Variants in RAPH1 observed in about 807,000 individuals in gnomAD.
RAPH1 encodes the protein Ras association (RalGDS/AF-6) and pleckstrin homology domains 1.
In RAPH1, 18 loss-of-function variants were observed where a neutral mutation model predicts 88.1. That is an observed-to-expected ratio of 0.20 (90% CI 0.14 to 0.30). RAPH1 has a LOEUF of 0.30. RAPH1 is among the 10% of genes least tolerant of loss of function. RAPH1 has a pLI of 1.00. For missense variants in RAPH1, 1,448 were observed against 1,543.2 expected, an observed-to-expected ratio of 0.94 and a Z score of 1.03; for synonymous variants, 587 against 559.0, an observed-to-expected ratio of 1.05 and a Z score of -0.71.
chr2:203,453,450 C>T (rs2153638429), intron 10 of RAPH1, among the ~76,000 whole-genome samples: 1 of 142,930 alleles, frequency 7.0e-6, no homozygotes, highest in East Asian at 2.1e-4. Context: ...GGAGACTGAG[C>T]TGGGAATATC....
chr2:203,527,153 T>C (rs1581415295), intron 1 of RAPH1, among the ~76,000 whole-genome samples: 1 of 152,344 alleles, frequency 6.6e-6, no homozygotes, highest in East Asian at 1.9e-4. Flanking sequence ...CCAGGATGTA[T>C]GAGTGATGAT....
At chr2:203,447,258 A>G (rs1247157164) in intron 12 of RAPH1, 1 of 150,592 alleles carries the variant, frequency 6.6e-6, no homozygotes, top group Admixed American at 6.6e-5. Context: ...AAAATTTAAT[A>G]AAACGAAAAA....
intron 1 of RAPH1, among the ~76,000 whole-genome samples, chr2:203,504,197 C>T (rs1688870002): frequency 6.6e-6 from 1 of 152,244 alleles, no homozygotes; most frequent in African/African-American, 2.4e-5. Context: ...CCCAACCCCA[C>T]ATTTCCCTTC....
At chr2:203,444,664 G>T in intron 13 of RAPH1, 1 of 444,002 alleles carries the variant, frequency 2.3e-6, no homozygotes, top group Non-Finnish European at 3.9e-6. Context: ...GAGCCAATTT[G>T]TAAAATACTC....
rs774591827 is a variant in RAPH1 at position 203,448,862 on chromosome 2, C to T, written c.1414-26G>A. 1.3e-6 allele frequency: 2 copies of T among 1,506,452 alleles called. No individual in the cohort carries two copies. Among genetic ancestry groups the T allele is most frequent in the South Asian group, 1.2e-5 (1 of 85,246 alleles). 93.3% of individuals were successfully genotyped at this position (1,506,452 alleles called of 1,614,324 possible). A position where few individuals can be genotyped will look rare whatever the true frequency, so the allele number is the denominator to read the frequency against. On this transcript the variant is annotated intron_variant, in intron 10 of 13. Coordinates refer to ENST00000319170, the MANE Select transcript of RAPH1 (RefSeq NM_213589.3). The surrounding 1 kb of genome is among the most constrained non-coding windows in gnomAD (Gnocchi z 4.1). ...CTGCAAGATTAAAGACAAAATCCAA[C>T]TAAGTCCCTTGGAGAACTAAAGAAA...
intron 13 of RAPH1, 70 bp downstream of exon 13, chr2:203,444,798 A>G (rs772492113): frequency 1.5e-5 from 21 of 1,421,514 alleles, no homozygotes; most frequent in Non-Finnish European, 1.9e-5. Context: ...ATAAAGACAT[A>G]AGAGAGCAAC....
In RAPH1 at chr2:203,438,097, T is replaced by C. The variant is rs369877057; in HGVS notation, c.*1340A>G. 41 of 516,382 alleles carry C rather than the reference T, an allele frequency of 7.9e-5. No individual in the cohort carries two copies. Among genetic ancestry groups the C allele is most frequent in the Non-Finnish European group, 1.4e-4 (36 of 258,938 alleles). The allele number at this position is 516,382 out of a possible 1,614,324, so 32.0% of individuals were successfully genotyped here. On this transcript the variant is annotated 3_prime_UTR_variant, in exon 14 of 14. Transcript: ENST00000319170. ...AACTGCACACGCATAAAACGTAATG[T>C]CAGTTACTGGACTTGGACTGTCCCA...
intron 7 of RAPH1, among the ~76,000 whole-genome samples, chr2:203,458,362 A>G (rs2153640213): frequency 6.6e-6 from 1 of 152,160 alleles, no homozygotes; most frequent in East Asian, 1.9e-4. Flanking sequence ...CTCCATCTCA[A>G]AAAAAAACAA....
In RAPH1 at chr2:203,480,499, G is replaced by A. The variant is rs539781069; in HGVS notation, c.732+9085C>T. Among the ~76,000 whole-genome samples, 5 of 152,302 alleles carry A rather than the reference G, an allele frequency of 3.3e-5. No individual in the cohort carries two copies. The East Asian group carries it at 9.6e-4, about 29-fold the overall frequency. ...GGAGGTGGAGGCTGCAGTGAGCTGA[G>A]ATTGCACCACTGCACTCCAGCCTAG... On this transcript the variant is annotated intron_variant, in intron 4 of 13. Transcript: ENST00000319170.
At chr2:203,477,217 T>C (rs370766313) in intron 4 of RAPH1, 3 of 1,219,072 alleles carry the variant, frequency 2.5e-6, no homozygotes, top group Admixed American at 1.7e-5. Context: ...GCAGTTCTCA[T>C]TACCATGCAG....
Position 203,482,008 on chromosome 2 carries a change from G to GAA in RAPH1, c.732+7574_732+7575dup, listed in dbSNP as rs144615684. Among the ~76,000 whole-genome samples the GAA allele has an allele frequency of 1.9e-3, 270 of 145,340 alleles. 1 individual carries two copies. The highest frequency in any genetic ancestry group is 3.6e-3 in the Middle Eastern group (1 of 278). ...CCTAAAGATGCTTTTTACTTCTGCA[G>GAA]AAAAAAAAAACACACACACACACAG... is the stretch of plus-strand genomic sequence containing the variant. On this transcript the variant is annotated intron_variant, in intron 4 of 13. Coordinates refer to ENST00000319170, the MANE Select transcript of RAPH1 (RefSeq NM_213589.3).
intron 1 of RAPH1, among the ~76,000 whole-genome samples, chr2:203,509,066 ATT>A (rs34628795): frequency 0.1 from 12,188 of 120,474 alleles, 1,044 homozygotes; most frequent in African/African-American, 0.25. Context: ...TTAAAAAATA[ATT>A]TTTTTTTTTT....
chr2:203,512,310 T>G lies in RAPH1; in HGVS notation c.1-16957A>C, dbSNP rs1374615836. Among the ~76,000 whole-genome samples, 4 of 148,012 alleles carry G rather than the reference T, an allele frequency of 2.7e-5. No homozygotes were observed. The East Asian group carries it at 8.0e-4, about 30-fold the overall frequency. Reference sequence around the variant, plus strand: ...TGGGTGTGGTGGTGCACACCAAGATTGTGCCACTGCACTCCAGCCTGGGTG... The same window carrying G: ...TGGGTGTGGTGGTGCACACCAAGATGGTGCCACTGCACTCCAGCCTGGGTG... On this transcript the variant is annotated intron_variant, in intron 1 of 13. Coordinates refer to ENST00000319170, the MANE Select transcript of RAPH1 (RefSeq NM_213589.3).
intron 1 of RAPH1, among the ~76,000 whole-genome samples, chr2:203,504,354 A>G (rs1688880989): frequency 6.6e-6 from 1 of 152,220 alleles, no homozygotes. Flanking sequence ...CCGCAGGCTC[A>G]ACACCACATG....
intron 1 of RAPH1, among the ~76,000 whole-genome samples, chr2:203,513,652 T>C (rs1028638254): frequency 1.3e-5 from 2 of 148,806 alleles, no homozygotes; most frequent in African/African-American, 2.5e-5. Context: ...CTGGCCAACA[T>C]GGTGAAACCC....
At chr2:203,461,125 T>A in intron 6 of RAPH1, 124 bp downstream of exon 6, 1 of 381,648 alleles carries the variant, frequency 2.6e-6, no homozygotes, top group Admixed American at 5.1e-5. Flanking sequence ...CCCAAAAAAT[T>A]AAAATAAAAT....
intron 1 of RAPH1, among the ~76,000 whole-genome samples, chr2:203,506,050 TTTC>T (rs1688978574): frequency 6.6e-6 from 1 of 152,170 alleles, no homozygotes; most frequent in Non-Finnish European, 1.5e-5. Context: ...CAGCAGTATT[TTTC>T]TTCACTTTTG....
At chr2:203,515,199 C>A (rs1317543446) in intron 1 of RAPH1, among the ~76,000 whole-genome samples, 1 of 152,108 alleles carries the variant, frequency 6.6e-6, no homozygotes, top group East Asian at 1.9e-4. Context: ...TTATAATTAT[C>A]TTTTGTGTTA....
In RAPH1 at chr2:203,441,043, G is replaced by A; in HGVS notation, c.2147C>T (p.Pro716Leu). The change falls in exon 14 of 14, where the codon CCT becomes CTT. Residue 716 changes from proline to leucine, a missense_variant. This residue lies in a region of RAPH1 where 935 missense variants were observed against 890.1 expected (regional missense o/e 1.05). Coordinates refer to ENST00000319170, the MANE Select transcript of RAPH1 (RefSeq NM_213589.3). ...NGVVPPPPPP[P>L]PPPTPGSAMA... ...GGCAGAGCCTGGGGTTGGGGGTGGA[G>A]GAGGGGGAGGGGGTGGTGGAACAAC... is the stretch of plus-strand genomic sequence containing the variant. 1 of 1,409,748 alleles carries A rather than the reference G, an allele frequency of 7.1e-7. No individual in the cohort carries two copies. Among genetic ancestry groups the A allele is most frequent in the South Asian group, 1.2e-5 (1 of 81,784 alleles). The allele number at this position is 1,409,748 out of a possible 1,614,324, so 87.3% of individuals were successfully genotyped here.
Sources: allele counts gnomAD v4.1 joint callset (sites outside exome capture counted in the v4.1 genomes callset), GRCh38; gene constraint gnomAD v4.1.1; regional missense constraint gnomAD v4.1.1; non-coding constraint Gnocchi (gnomAD v3.1); transcripts MANE v1.5; gene names NCBI Gene and HGNC (gene_info 2026-07-23, HGNC 2026-07-21).